The following KPNA4 variants were observed in gnomAD, a reference collection of about 807,000 sequenced individuals.
KPNA4 encodes the protein importin subunit alpha-3.
Under a neutral mutation model 71.3 loss-of-function variants are expected in KPNA4, and 13 were observed. That is an observed-to-expected ratio of 0.18 (90% CI 0.12 to 0.29). The LOEUF (loss-of-function observed/expected upper bound fraction) is 0.29. Ranked by LOEUF, KPNA4 falls within the 10% of genes least tolerant of loss-of-function variation. The probability of loss-of-function intolerance (pLI) is 1.00; values close to 1 mark genes in which losing one functional copy is unlikely to be tolerated. For synonymous variants in KPNA4, 189 were observed against 195.2 expected, an observed-to-expected ratio of 0.97 and a Z score of 0.26; for missense variants, 334 against 603.2, an observed-to-expected ratio of 0.55 and a Z score of 4.67.
rs1720728965 is a variant in KPNA4, at chr3:160,495,144, T to C, written c.*6960A>G. 2 of 152,116 alleles carry C rather than the reference T, an allele frequency of 1.3e-5. No homozygotes were observed. The highest frequency in any genetic ancestry group is 4.8e-5 in the African/African-American group (2 of 41,418). The allele number at this position is 152,116 out of a possible 1,614,324, so 9.4% of individuals were successfully genotyped here. A position where few individuals can be genotyped will look rare whatever the true frequency, so the allele number is the denominator to read the frequency against. On this transcript the variant is annotated 3_prime_UTR_variant, in exon 17 of 17. Transcript: ENST00000334256. ...AAAGAAAGACGGAGAAACTCAGATG[T>C]GATAGAGCAATGAGTGAACAGATAC...
rs527625882 is a variant in KPNA4 at position 160,502,207 on chromosome 3, G to A, written c.1468-5C>T. ...AAGGCTAGGGTCTTCATCAATCTAG[G>A]TGAAAAAAAAGAAAAAGAATGTGAT... On this transcript the variant is annotated splice_region_variant and splice_polypyrimidine_tract_variant and intron_variant, in intron 16 of 16. Transcript: ENST00000334256. The A allele has an allele frequency of 1.1e-5, 17 of 1,502,332 alleles. No homozygotes were observed. Among genetic ancestry groups the A allele is most frequent in the African/African-American group, 8.4e-5 (6 of 71,468 alleles). The allele number at this position is 1,502,332 out of a possible 1,614,324, so 93.1% of individuals were successfully genotyped here.
chr3:160,517,924 AC>A (rs1033693300), intron 11 of KPNA4, among the ~76,000 whole-genome samples: 1 of 151,964 alleles, frequency 6.6e-6, no homozygotes, highest in African/African-American at 2.4e-5. Context: ...TTGTCTTTTC[AC>A]TTTCTTGATG....
chr3:160,540,133 G>C (rs1005497751), intron 1 of KPNA4, among the ~76,000 whole-genome samples: 8 of 151,280 alleles, frequency 5.3e-5, no homozygotes, highest in Admixed American at 6.6e-5. Context: ...CTGAGTAGCT[G>C]GGACTACAGG....
chr3:160,507,448 C>T (rs1384440523), intron 15 of KPNA4, among the ~76,000 whole-genome samples: 1 of 144,018 alleles, frequency 6.9e-6, no homozygotes, highest in Non-Finnish European at 1.5e-5. Flanking sequence ...TGCAGTGAGC[C>T]GAGATTGTGC....
At chr3:160,559,870 T>C (rs1007934709) in intron 1 of KPNA4, among the ~76,000 whole-genome samples, 1 of 152,142 alleles carries the variant, frequency 6.6e-6, no homozygotes, top group Non-Finnish European at 1.5e-5. Context: ...ATTCTTCTCA[T>C]TATGTATTTT....
chr3:160,503,048 T>C (rs1195870314), intron 16 of KPNA4, among the ~76,000 whole-genome samples: 2 of 151,034 alleles, frequency 1.3e-5, no homozygotes, highest in East Asian at 1.9e-4. Flanking sequence ...GAGGCAGAGG[T>C]TGCAGTGAGC....
rs879572916 is a variant in KPNA4, at chr3:160,532,770, AGCT to A, written c.288-1216_288-1214del. Among the ~76,000 whole-genome samples, 785 of 152,332 alleles carry A rather than the reference AGCT, an allele frequency of 5.2e-3. 3 individuals are homozygous for A. Among genetic ancestry groups the A allele is most frequent in the Non-Finnish European group, 7.7e-3 (522 of 68,024 alleles). Reference sequence around the variant, plus strand: ...TTTATCAATGTAAACTCCTTGACCTAGCTTTAAACTACTTCACAAGTTGGCTCC... The same window carrying A: ...TTTATCAATGTAAACTCCTTGACCTATTAAACTACTTCACAAGTTGGCTCC... On this transcript the variant is annotated intron_variant, in intron 5 of 16. Transcript: ENST00000334256.
At chr3:160,510,942 C>G (rs1721079477) in intron 13 of KPNA4, among the ~76,000 whole-genome samples, 1 of 151,492 alleles carries the variant, frequency 6.6e-6, no homozygotes, top group Admixed American at 6.6e-5. Flanking sequence ...AATGCACCAC[C>G]ACGCCTGGCT....
intron 12 of KPNA4, chr3:160,514,940 T>G (rs1200824897): frequency 1.9e-6 from 1 of 518,628 alleles, no homozygotes; most frequent in East Asian, 5.4e-5. Flanking sequence ...TTAATGAACC[T>G]GTTAGAGATT....
At chr3:160,532,245 C>G (rs528573716) in intron 5 of KPNA4, among the ~76,000 whole-genome samples, 1 of 152,322 alleles carries the variant, frequency 6.6e-6, no homozygotes. Flanking sequence ...TTCAACACAG[C>G]TTTTACCTTG....
chr3:160,503,671 A>G (rs1577043905), intron 16 of KPNA4, among the ~76,000 whole-genome samples: 1 of 152,232 alleles, frequency 6.6e-6, no homozygotes, highest in East Asian at 1.9e-4. Context: ...CTAAGTCAAG[A>G]ACGAAAACTA....
Position 160,561,082 on chromosome 3 carries a change from C to T in KPNA4, c.69+4132G>A, listed in dbSNP as rs143864040. ...CTTTTTTTAAAGTTCAAGCTGACTT[C>T]ATATTTTATGTTTGTGTGGATAATC... On this transcript the variant is annotated intron_variant, in intron 1 of 16. Transcript: ENST00000334256. Among the ~76,000 whole-genome samples the T allele has an allele frequency of 1.6e-3, 238 of 152,140 alleles. 3 individuals carry two copies. Among genetic ancestry groups the T allele is most frequent in the African/African-American group, 5.5e-3 (227 of 41,544 alleles).
rs569505263 is a variant in KPNA4 at position 160,531,921 on chromosome 3, T to A, written c.288-364A>T. ...GATTCTCCTGCCTCAGTCTCCTGAG[T>A]AGCTGGGATTACAGGCGTGCGCCAC... On this transcript the variant is annotated intron_variant, in intron 5 of 16. Coordinates refer to ENST00000334256, the MANE Select transcript of KPNA4 (RefSeq NM_002268.5). 9.9e-4 allele frequency among the ~76,000 whole-genome samples: 150 copies of A among 152,280 alleles called. 1 individual carries two copies. Among genetic ancestry groups the A allele is most frequent in the East Asian group, 1.7e-3 (9 of 5,182 alleles).
At chr3:160,559,841 A>C (rs776402345) in intron 1 of KPNA4, among the ~76,000 whole-genome samples, 4 of 152,170 alleles carry the variant, frequency 2.6e-5, no homozygotes, top group Non-Finnish European at 5.9e-5. Context: ...AAGACCCGAA[A>C]AAAAGGTTCA....
chr3:160,521,327 G>C (rs902796596), intron 11 of KPNA4, among the ~76,000 whole-genome samples: 1 of 152,232 alleles, frequency 6.6e-6, no homozygotes, highest in Non-Finnish European at 1.5e-5. Context: ...GGCCAGGCAT[G>C]GTGGTTCACA....
intron 1 of KPNA4, among the ~76,000 whole-genome samples, chr3:160,556,946 G>C (rs540945886): frequency 8.5e-5 from 13 of 152,064 alleles, no homozygotes; most frequent in Admixed American, 1.3e-4. Context: ...ACCCTAAATA[G>C]GTAGGACTAT....
intron 6 of KPNA4, 28 bp downstream of exon 6, chr3:160,531,434 A>T: frequency 3.6e-6 from 4 of 1,103,788 alleles, no homozygotes; most frequent in Admixed American, 2.6e-5. Context: ...TTCTAAATTA[A>T]AAAAAAAAAA....
intron 11 of KPNA4, among the ~76,000 whole-genome samples, chr3:160,517,722 C>T (rs968111584): frequency 6.6e-6 from 1 of 152,148 alleles, no homozygotes; most frequent in Non-Finnish European, 1.5e-5. Flanking sequence ...TGATGTTGAG[C>T]TTCTTTTCAT....
intron 12 of KPNA4, chr3:160,514,947 G>A (rs771769330): frequency 4.0e-5 from 21 of 518,822 alleles, no homozygotes; most frequent in Middle Eastern, 3.2e-4. Context: ...ACCTGTTAGA[G>A]ATTTTAGGGT....
Sources: gnomAD v4.1 joint callset for allele counts (sites outside exome capture counted in the v4.1 genomes callset) on GRCh38, gnomAD v4.1.1 for gene constraint, MANE v1.5 for transcripts, NCBI Gene and HGNC (gene_info 2026-07-23, HGNC 2026-07-21) for gene names.